Variants in BTBD9 observed in about 807,000 individuals in gnomAD.
BTBD9 encodes the protein BTB domain containing 9.
In BTBD9, 49 loss-of-function variants were observed where a neutral mutation model predicts 64.3. That is an observed-to-expected ratio of 0.76 (90% confidence interval 0.61 to 0.97). The LOEUF (loss-of-function observed/expected upper bound fraction) is 0.97, where lower values mean the gene tolerates loss of function less well. BTBD9 is among the 50% of genes least tolerant of loss of function. The pLI is 0.00. For synonymous variants in BTBD9, 260 were observed against 274.7 expected, an observed-to-expected ratio of 0.95 and a Z score of 0.53; for missense variants, 598 against 762.1, an observed-to-expected ratio of 0.78 and a Z score of 2.53.
At chr6:38,594,495 A>G (rs1776954596) in intron 2 of BTBD9, 168 bp from the exon 3 acceptor site, 6 of 755,076 alleles carry the variant, frequency 7.9e-6, no homozygotes, top group Non-Finnish European at 1.2e-5. Context: ...TACAGGACAC[A>G]AGAGGAATGA....
At chr6:38,534,493 AGAG>A (rs1336563953) in intron 6 of BTBD9, among the ~76,000 whole-genome samples, 1 of 150,040 alleles carries the variant, frequency 6.7e-6, no homozygotes, top group Non-Finnish European at 1.5e-5. Flanking sequence ...AAAAAAAAAT[AGAG>A]GAGGAGGGAA....
chr6:38,546,018 T>G (rs1475384906), intron 6 of BTBD9, among the ~76,000 whole-genome samples: 3 of 152,054 alleles, frequency 2.0e-5, no homozygotes, highest in Non-Finnish European at 4.4e-5. Flanking sequence ...AGGTAGTAGC[T>G]AGTGGATATG....
chr6:38,393,143 C>T (rs1403886408), intron 6 of BTBD9, among the ~76,000 whole-genome samples: 1 of 152,212 alleles, frequency 6.6e-6, no homozygotes, highest in African/African-American at 2.4e-5. Flanking sequence ...ATCCGTCCGC[C>T]TTAGCCTCCC....
intron 6 of BTBD9, among the ~76,000 whole-genome samples, chr6:38,550,910 C>A (rs774627635): frequency 6.6e-6 from 1 of 152,138 alleles, no homozygotes; most frequent in African/African-American, 2.4e-5. Flanking sequence ...TTTCTGACAC[C>A]GTCTTATACT....
At chr6:38,389,306 C>A (rs1337668689) in intron 6 of BTBD9, among the ~76,000 whole-genome samples, 1 of 152,146 alleles carries the variant, frequency 6.6e-6, no homozygotes, top group Admixed American at 6.6e-5. Flanking sequence ...GCTTGATACA[C>A]CACAATAAAT....
chr6:38,310,773 A>G (rs973902231), intron 7 of BTBD9, among the ~76,000 whole-genome samples: 1 of 151,730 alleles, frequency 6.6e-6, no homozygotes, highest in African/African-American at 2.4e-5. Flanking sequence ...GTTACAAACA[A>G]TCCAATTATA....
intron 2 of BTBD9, among the ~76,000 whole-genome samples, chr6:38,595,137 A>C (rs1306355935): frequency 2.0e-5 from 3 of 152,244 alleles, no homozygotes. Context: ...TATGTACTGC[A>C]TTAAAAAAGT....
chr6:38,606,646 C>T (rs1777441477), intron 1 of BTBD9, among the ~76,000 whole-genome samples: 1 of 152,130 alleles, frequency 6.6e-6, no homozygotes. Flanking sequence ...AATCTGGTAA[C>T]AAATTAACCA....
At chr6:38,523,537 T>C in intron 6 of BTBD9, among the ~76,000 whole-genome samples, 1 of 151,974 alleles carries the variant, frequency 6.6e-6, no homozygotes, top group East Asian at 1.9e-4. Flanking sequence ...ACCAAACCAA[T>C]CCACTCAGTG....
intron 6 of BTBD9, among the ~76,000 whole-genome samples, chr6:38,364,430 C>T (rs1026020251): frequency 4.6e-5 from 7 of 152,070 alleles, no homozygotes; most frequent in African/African-American, 1.7e-4. Context: ...ACAGAAAATA[C>T]ATTAAAGTGA....
At chr6:38,585,486 A>AT (rs1432233323) in intron 4 of BTBD9, among the ~76,000 whole-genome samples, 1 of 152,020 alleles carries the variant, frequency 6.6e-6, no homozygotes, top group Non-Finnish European at 1.5e-5. Context: ...TTTAAAAAAA[A>AT]TTTTTTAGAG....
chr6:38,624,403 T>C (rs933950350), intron 1 of BTBD9, among the ~76,000 whole-genome samples: 2 of 152,054 alleles, frequency 1.3e-5, no homozygotes, highest in African/African-American at 4.8e-5. Flanking sequence ...TTAAGAGCTG[T>C]AACACTCACG....
At chr6:38,408,419 A>C (rs1767267169) in intron 6 of BTBD9, among the ~76,000 whole-genome samples, 1 of 152,216 alleles carries the variant, frequency 6.6e-6, no homozygotes, top group African/African-American at 2.4e-5. Context: ...CTACTATTCT[A>C]ATGCTTAAAG....
chr6:38,187,318 A>C (rs912096442), intron 10 of BTBD9, among the ~76,000 whole-genome samples: 3 of 152,192 alleles, frequency 2.0e-5, no homozygotes, highest in South Asian at 2.1e-4. Context: ...ACCACACAGG[A>C]ATGACCATGA....
intron 9 of BTBD9, among the ~76,000 whole-genome samples, chr6:38,205,518 C>T (rs1762607010): frequency 6.6e-6 from 1 of 152,214 alleles, no homozygotes; most frequent in East Asian, 1.9e-4. Flanking sequence ...AATTCACCTT[C>T]ATCCTCTCTT....
intron 7 of BTBD9, among the ~76,000 whole-genome samples, chr6:38,300,286 T>C (rs1384932063): frequency 5.3e-5 from 8 of 152,240 alleles, no homozygotes; most frequent in African/African-American, 9.6e-5. Context: ...TGAAGTCAGG[T>C]AGCGTGATGC....
At chr6:38,345,119 T>C in intron 6 of BTBD9, 26 bp from the exon 7 acceptor site, 1 of 1,487,348 alleles carries the variant, frequency 6.7e-7, no homozygotes, top group Non-Finnish European at 9.3e-7. Context: ...AAAGAAAATG[T>C]GTTGAAAATG....
chr6:38,302,506 T>TATATATATATAC, intron 7 of BTBD9, among the ~76,000 whole-genome samples: 1 of 142,346 alleles, frequency 7.0e-6, no homozygotes, highest in Non-Finnish European at 1.5e-5. Context: ...TATATATATA[T>TATATATATATAC]ATATATATAT....
At chr6:38,573,260 T>C (rs1457562131) in intron 6 of BTBD9, among the ~76,000 whole-genome samples, 1 of 152,206 alleles carries the variant, frequency 6.6e-6, no homozygotes, top group Non-Finnish European at 1.5e-5. Flanking sequence ...CATTTTTACA[T>C]GCAATTGGTA....
Sources: gnomAD v4.1 joint callset for allele counts (sites outside exome capture counted in the v4.1 genomes callset) on GRCh38, gnomAD v4.1.1 for gene constraint, MANE v1.5 for transcripts, NCBI Gene and HGNC (gene_info 2026-07-23, HGNC 2026-07-21) for gene names.